AFAP1L2: variants seen among roughly 807,000 people sequenced by gnomAD.
AFAP1L2 encodes the protein actin filament associated protein 1 like 2.
In AFAP1L2, 46 loss-of-function variants were observed where a neutral mutation model predicts 99.3. That is an observed-to-expected ratio of 0.46 (90% CI 0.37 to 0.59). The LOEUF is 0.59. Among genes scored for constraint, AFAP1L2 ranks in the 20% least tolerant of loss-of-function variants. AFAP1L2 has a pLI of 0.00. For synonymous variants in AFAP1L2, 397 were observed against 419.1 expected, an observed-to-expected ratio of 0.95 and a Z score of 0.64; for missense variants, 959 against 1,034.9, an observed-to-expected ratio of 0.93 and a Z score of 1.01.
At position 114,390,993 on chromosome 10, in the gene AFAP1L2, T is replaced by A. The variant is rs191906437; in HGVS notation, c.16+13447A>T. Reference sequence around the variant, plus strand: ...TGTTCATACCCTTGATTCACTGTCTTTACTATGTACATTCATGCCTTTTTC... The same window carrying A: ...TGTTCATACCCTTGATTCACTGTCTATACTATGTACATTCATGCCTTTTTC... On this transcript the variant is annotated intron_variant, in intron 1 of 18. Transcript: ENST00000304129. Among the ~76,000 whole-genome samples the A allele has an allele frequency of 1.4e-4, 22 of 152,282 alleles. No individual in the cohort carries two copies. The East Asian group carries it at 4.3e-3, about 30-fold the overall frequency.
chr10:114,327,147 T>TTATATATAAATATATA (rs2046422656), intron 4 of AFAP1L2, among the ~76,000 whole-genome samples: 1 of 54,538 alleles, frequency 1.8e-5, no homozygotes, highest in Admixed American at 2.6e-4. Flanking sequence ...TTATATATAT[T>TTATATATAAATATATA]TATATATATA....
At chr10:114,342,745 T>A (rs948652454) in intron 1 of AFAP1L2, among the ~76,000 whole-genome samples, 3 of 152,192 alleles carry the variant, frequency 2.0e-5, no homozygotes, top group African/African-American at 7.2e-5. Flanking sequence ...CCTCTCAGAT[T>A]CTGATCTCCA....
At chr10:114,327,147 T>TTATTTATATATATATATATATATA (rs1554902752) in intron 4 of AFAP1L2, among the ~76,000 whole-genome samples, 4 of 54,538 alleles carry the variant, frequency 7.3e-5, no homozygotes, top group Admixed American at 2.6e-4. Flanking sequence ...TTATATATAT[T>TTATTTATATATATATATATATATA]TATATATATA....
At chr10:114,351,260 A>G (rs1223597886) in intron 1 of AFAP1L2, among the ~76,000 whole-genome samples, 1 of 152,184 alleles carries the variant, frequency 6.6e-6, no homozygotes, top group Non-Finnish European at 1.5e-5. Flanking sequence ...AAGAGCATGG[A>G]GTTTTTACGC....
intron 1 of AFAP1L2, 148 bp from the exon 2 acceptor site, chr10:114,340,879 G>C: frequency 9.1e-7 from 1 of 1,100,980 alleles, no homozygotes. Context: ...GCGTATGGGG[G>C]GACTGGGCAG....
chr10:114,319,659 A>C (rs2044793442), intron 5 of AFAP1L2: 1 of 1,287,896 alleles, frequency 7.8e-7, no homozygotes, highest in South Asian at 1.2e-5. Flanking sequence ...CATAACATCC[A>C]GGAGCACAGA....
At chr10:114,334,151 A>G (rs1392138927) in intron 2 of AFAP1L2, among the ~76,000 whole-genome samples, 15 of 152,178 alleles carry the variant, frequency 9.9e-5, no homozygotes, top group Non-Finnish European at 1.8e-4. Context: ...TCTACCCTAT[A>G]GATTATACCC....
At chr10:114,383,300 G>A (rs1248027505) in intron 1 of AFAP1L2, among the ~76,000 whole-genome samples, 1 of 151,970 alleles carries the variant, frequency 6.6e-6, no homozygotes, top group Non-Finnish European at 1.5e-5. Flanking sequence ...TTGGAAAGGA[G>A]CAGGCAAAAA....
At chr10:114,294,779 A>AC (rs1054074235), downstream of AFAP1L2, 18 of 957,754 alleles carry the variant, frequency 1.9e-5, no homozygotes, top group African/African-American at 1.1e-4. Flanking sequence ...TCCCTTGAGA[A>AC]CCCCCCAGGC....
chr10:114,303,448 C>T (rs542817876), intron 11 of AFAP1L2, among the ~76,000 whole-genome samples: 47 of 152,282 alleles, frequency 3.1e-4, no homozygotes, highest in African/African-American at 1.0e-3. Context: ...GCTGGGACTA[C>T]AGGCGCCCAC....
In AFAP1L2 at chr10:114,385,963, C is replaced by T. The variant is rs570469980; in HGVS notation, c.16+18477G>A. ...CCCCCCTCAGGAGTCCCTGAGGATT[C>T]ACTGAGACAATGAGTAGAAAATGTC... is the stretch of plus-strand genomic sequence containing the variant. On this transcript the variant is annotated intron_variant, in intron 1 of 18. Transcript: ENST00000304129. Among the ~76,000 whole-genome samples the T allele has an allele frequency of 1.3e-5, 2 of 151,846 alleles. 1 individual carries two copies. Among genetic ancestry groups the T allele is most frequent in the East Asian group, 3.9e-4 (2 of 5,156 alleles).
intron 11 of AFAP1L2, among the ~76,000 whole-genome samples, chr10:114,302,738 A>AGAT (rs1355673638): frequency 1.3e-5 from 2 of 152,346 alleles, no homozygotes; most frequent in Admixed American, 1.3e-4. Flanking sequence ...GGGCCATATG[A>AGAT]GATGTATATA....
chr10:114,282,571 G>T, the AFAP1L2 span: 1 of 1,613,862 alleles, frequency 6.2e-7, no homozygotes, highest in Non-Finnish European at 8.5e-7. Context: ...CACCTGCCCA[G>T]GTATGGTCTG....
In AFAP1L2 at chr10:114,295,016, T is replaced by TAAAAAA. The variant is rs10627231; in HGVS notation, c.*1020_*1025dup. On this transcript the variant is annotated 3_prime_UTR_variant, in exon 19 of 19. Transcript: ENST00000304129. ...ATAGATGAAATGTTTCAACCTGTGT[T>TAAAAAA]AAAAAAAAAAAAAAAAAAATGCCAT... 5 of 884,442 alleles carry TAAAAAA rather than the reference T, an allele frequency of 5.7e-6. No individual in the cohort carries two copies. Among genetic ancestry groups the TAAAAAA allele is most frequent in the Non-Finnish European group, 6.7e-6 (5 of 750,788 alleles). The allele number at this position is 884,442 out of a possible 1,614,324, so 54.8% of individuals were successfully genotyped here.
At chr10:114,296,093 A>ACCCACCC in intron 18 of AFAP1L2, 25 bp from the exon 19 acceptor site, 1 of 1,614,036 alleles carries the variant, frequency 6.2e-7, no homozygotes, top group Non-Finnish European at 8.5e-7. Flanking sequence ...AAATACCAGC[A>ACCCACCC]CCCACCCCCC....
In AFAP1L2 at chr10:114,384,499, T is replaced by C. The variant is rs1288239780; in HGVS notation, c.16+19941A>G. Among the ~76,000 whole-genome samples the C allele has an allele frequency of 2.0e-5, 3 of 152,242 alleles. No homozygotes were observed. The East Asian group carries it at 5.8e-4, about 29-fold the overall frequency. ...TTGCCAGCAAATGAGAGACAGCTGT[T>C]GGGCTTGAATGGCATGTGGCTGAAC... On this transcript the variant is annotated intron_variant, in intron 1 of 18. Transcript: ENST00000304129.
chr10:114,325,073 T>C (rs903424551), intron 4 of AFAP1L2, among the ~76,000 whole-genome samples: 2 of 152,192 alleles, frequency 1.3e-5, no homozygotes. Flanking sequence ...AGTCTGTTTA[T>C]ATAGACCCTG....
chr10:114,336,267 A>T (rs768481456), intron 2 of AFAP1L2, among the ~76,000 whole-genome samples: 1 of 152,226 alleles, frequency 6.6e-6, no homozygotes, highest in African/African-American at 2.4e-5. Flanking sequence ...CTGGCCCTAG[A>T]CTGGGAGGCC....
At chr10:114,319,212 G>A (rs746813099) in intron 5 of AFAP1L2, among the ~76,000 whole-genome samples, 3 of 152,124 alleles carry the variant, frequency 2.0e-5, no homozygotes, top group Non-Finnish European at 4.4e-5. Context: ...TGGCTTCTAG[G>A]AGGGGCAGGG....
Sources: allele counts gnomAD v4.1 joint callset (sites outside exome capture counted in the v4.1 genomes callset), GRCh38; gene constraint gnomAD v4.1.1; transcripts MANE v1.5; gene names NCBI Gene and HGNC (gene_info 2026-07-23, HGNC 2026-07-21).